CSF3R: variants seen among roughly 807,000 people sequenced by gnomAD.
CSF3R encodes the protein granulocyte colony-stimulating factor receptor.
CSF3R carries 52 observed loss-of-function variants against 84.4 expected under a neutral mutation model. The ratio of observed to expected loss-of-function variants is 0.62; its 90% CI spans 0.49 to 0.78. The LOEUF is 0.78. Among genes scored for constraint, CSF3R ranks in the 30% least tolerant of loss-of-function variants. CSF3R has a pLI of 0.00. For synonymous variants in CSF3R, 384 were observed against 429.1 expected, an observed-to-expected ratio of 0.89 and a Z score of 1.30; for missense variants, 890 against 1,055.7, an observed-to-expected ratio of 0.84 and a Z score of 2.17.
intron 3 of CSF3R, 46 bp downstream of exon 3, chr1:36,479,387 T>C: frequency 6.3e-7 from 1 of 1,577,460 alleles, no homozygotes; most frequent in Non-Finnish European, 8.7e-7. Context: ...TATCTCTCCT[T>C]GTAGCTTCCC....
At chr1:36,468,268 A>C in intron 12 of CSF3R, 47 bp from the exon 13 acceptor site, 1 of 1,524,104 alleles carries the variant, frequency 6.6e-7, no homozygotes, top group South Asian at 1.3e-5. Flanking sequence ...GGGGCAGAGC[A>C]AGAGCCCGGT....
chr1:36,466,582 T>G lies in CSF3R; in HGVS notation c.2286A>C (p.Pro762=). 1 of 1,611,964 alleles carries G rather than the reference T, an allele frequency of 6.2e-7. No individual in the cohort carries two copies. The highest frequency in any genetic ancestry group is 8.5e-7 in the Non-Finnish European group (1 of 1,178,554). ...CACAGCGGAGATAGTGCCCTGGCCC[T>G]GGGCTTGTGGGGCTGCCCAGCAGCT... ...YGQLLGSPTS[P]GPGHYLRCDS... is the part of the protein sequence containing the mutation. Residue 762 remains proline, a synonymous_variant, in exon 17 of 17, where the codon CCA becomes CCC. Transcript: ENST00000373106. The surrounding 1 kb of genome is among the most constrained non-coding windows in gnomAD (Gnocchi z 4.6).
In CSF3R at chr1:36,472,200, T is replaced by A. The variant is rs767796210; in HGVS notation, c.997+38A>T. 17 of 1,614,066 alleles carry A rather than the reference T, an allele frequency of 1.1e-5. No individual in the cohort carries two copies. The highest frequency in any genetic ancestry group is 1.3e-5 in the African/African-American group (1 of 75,004). On this transcript the variant is annotated intron_variant, in intron 8 of 16. Coordinates refer to ENST00000373106, the MANE Select transcript of CSF3R (RefSeq NM_000760.4). The surrounding 1 kb of genome is among the most constrained non-coding windows in gnomAD (Gnocchi z 5.0). ...GGAGGGGCCTGGGGCCTGGACTGGA[T>A]ACTGTTGGCTGCTCCCAGCCTCTCA... is the stretch of plus-strand genomic sequence containing the variant.
chr1:36,471,399 C>A, intron 10 of CSF3R, 34 bp downstream of exon 10: 2 of 1,594,204 alleles, frequency 1.3e-6, no homozygotes, highest in African/African-American at 1.3e-5. Context: ...ATGCGCTTGA[C>A]CTCTGTGCTC....
In CSF3R at chr1:36,473,549, A is replaced by G; in HGVS notation, c.559T>C (p.Cys187Arg). The G allele has an allele frequency of 6.2e-7, 1 of 1,614,218 alleles. No individual in the cohort carries two copies. The highest frequency in any genetic ancestry group is 8.5e-7 in the Non-Finnish European group (1 of 1,180,056). Residue 187 changes from cysteine to arginine, a missense_variant, in exon 6 of 17, where the codon TGC (cysteine) becomes CGC (arginine). Coordinates refer to ENST00000373106, the MANE Select transcript of CSF3R (RefSeq NM_000760.4). ...CVPKDGQSHC[C>R]IPRKHLLLYQ... is the part of the protein sequence containing the mutation. The stretch of plus-strand genomic sequence containing the variant: ...AACAGCAGGTGTTTGCGTGGGATGC[A>G]GCAGTGGCTCTGCCCGTCCTTGGGC...
In CSF3R at chr1:36,466,915, G is replaced by A. The variant is rs1234628970; in HGVS notation, c.2041-88C>T. ...CCTGTCTGGGTCCGGGCAGCTGTGG[G>A]GACATTCAACTGTTGTTACTGGTGG... On this transcript the variant is annotated intron_variant, in intron 16 of 16. Transcript: ENST00000373106. This position sits in a 1 kb window ranked among gnomAD's most constrained non-coding sequence, Gnocchi z 4.6. 1 of 1,613,592 alleles carries A rather than the reference G, an allele frequency of 6.2e-7. No homozygotes were observed. The highest frequency in any genetic ancestry group is 2.2e-5 in the East Asian group (1 of 44,888).
intron 2 of CSF3R, chr1:36,479,861 C>T: frequency 5.5e-6 from 2 of 364,956 alleles, no homozygotes; most frequent in South Asian, 4.5e-5. Context: ...AGAGCAGAAC[C>T]TGAGATGAGG....
chr1:36,479,557 T>G (rs910856646), intron 2 of CSF3R, 41 bp from the exon 3 acceptor site: 1 of 1,439,774 alleles, frequency 6.9e-7, no homozygotes, highest in East Asian at 2.3e-5. Context: ...GGCTTTGGAG[T>G]CAGAGCTGAT....
Position 36,472,722 on chromosome 1 carries a change from C to T in CSF3R, c.674-36G>A. 1 of 1,539,712 alleles carries T rather than the reference C, an allele frequency of 6.5e-7. No homozygotes were observed. The highest frequency in any genetic ancestry group is 1.2e-5 in the South Asian group (1 of 81,832). On this transcript the variant is annotated intron_variant, in intron 6 of 16. Coordinates refer to ENST00000373106, the MANE Select transcript of CSF3R (RefSeq NM_000760.4). The surrounding 1 kb of genome is among the most constrained non-coding windows in gnomAD (Gnocchi z 5.0). ...TGGGGCTGTCAGAAGGTCTCCCTAT[C>T]CCACCCTAGAGGGCTCTGCCTTAGC...
At chr1:36,469,068 T>C (rs1650531433) in intron 12 of CSF3R, 88 bp downstream of exon 12, 3 of 949,844 alleles carry the variant, frequency 3.2e-6, no homozygotes. Context: ...GAAGGCAATG[T>C]TCCCTATACT....
chr1:36,471,312 G>T (rs778590726), intron 10 of CSF3R, 121 bp downstream of exon 10: 24 of 1,000,826 alleles, frequency 2.4e-5, no homozygotes, highest in Non-Finnish European at 3.8e-5. Flanking sequence ...CTCCCAAAGT[G>T]CTGGGATTAC....
In CSF3R at chr1:36,473,377, C is replaced by T; in HGVS notation, c.673+58G>A. The T allele has an allele frequency of 2.3e-5, 36 of 1,589,340 alleles. 1 individual carries two copies. In the South Asian group the frequency reaches 3.8e-4, roughly 17 times the overall value. ...TGTCGCTAGTTCTGTGTTTCCCTCT[C>T]CATTCCTCTCAGTGTCTGCCCATTT... On this transcript the variant is annotated intron_variant, in intron 6 of 16. Coordinates refer to ENST00000373106, the MANE Select transcript of CSF3R (RefSeq NM_000760.4).
intron 3 of CSF3R, among the ~76,000 whole-genome samples, chr1:36,477,894 G>T (rs1428919953): frequency 6.6e-6 from 1 of 152,010 alleles, no homozygotes. Context: ...GAGTAGCTAG[G>T]ACTACAGGCA....
intron 10 of CSF3R, among the ~76,000 whole-genome samples, chr1:36,470,461 A>C (rs921412589): frequency 6.6e-6 from 1 of 152,234 alleles, no homozygotes; most frequent in African/African-American, 2.4e-5. Flanking sequence ...CTGGGATTAC[A>C]GGCGTGAGCC....
At chr1:36,468,510 C>T (rs555944580) in intron 12 of CSF3R, 32 of 310,332 alleles carry the variant, frequency 1.0e-4, no homozygotes, top group Admixed American at 4.6e-4. Flanking sequence ...ACTCACTCTC[C>T]GAATTTATGC....
rs200681728 is a variant in CSF3R at position 36,475,365 on chromosome 1, G to A, written c.361+12C>T. On this transcript the variant is annotated intron_variant, in intron 4 of 16. Coordinates refer to ENST00000373106, the MANE Select transcript of CSF3R (RefSeq NM_000760.4). ...TTGGAGGCAGAGTAGTTGGATGGCT[G>A]GAAGGACTTACAGCCTGCGCGCAGC... The A allele has an allele frequency of 1.5e-5, 24 of 1,613,396 alleles. No individual in the cohort carries two copies. In the East Asian group the frequency reaches 4.7e-4, roughly 31 times the overall value.
Position 36,478,037 on chromosome 1 carries a change from C to T in CSF3R, c.64+1396G>A, listed in dbSNP as rs60626405. On this transcript the variant is annotated intron_variant, in intron 3 of 16. Transcript: ENST00000373106. ...CCTCCCAAAGTGCTGGGATTACAGG[C>T]GTGAGCCACCGCGCCCGGCCCAGAC... Among the ~76,000 whole-genome samples the T allele has an allele frequency of 0.013, 1,917 of 151,338 alleles. 162 individuals are homozygous for T. In the East Asian group the frequency reaches 0.24, roughly 19 times the overall value.
At chr1:36,474,390 CTTTTTTT>C (rs911099378) in intron 4 of CSF3R, among the ~76,000 whole-genome samples, 21 of 86,262 alleles carry the variant, frequency 2.4e-4, no homozygotes, top group Non-Finnish European at 1.5e-4. Flanking sequence ...ATTACTGGTG[CTTTTTTT>C]TTTTTTTTTT....
chr1:36,467,619 A>T lies in CSF3R; in HGVS notation c.1897T>A (p.Phe633Ile). ...CAGGTGAGCAACAGCAGGAGGCCGAACAGGCCCAGGATGATGTGTAGCTCC... is the reference window on the plus strand; with the variant it reads ...CAGGTGAGCAACAGCAGGAGGCCGATCAGGCCCAGGATGATGTGTAGCTCC... ...GSELHIILGL[F>I]GLLLLLTCLC... The change falls in exon 15 of 17, where the codon TTC becomes ATC. Residue 633 changes from phenylalanine (F) to isoleucine (I), a missense_variant. Physicochemically the swap from Phe to Ile is conservative, Grantham distance 21. Transcript: ENST00000373106. This position sits in a 1 kb window ranked among gnomAD's most constrained non-coding sequence, Gnocchi z 4.1. 6.2e-7 allele frequency: 1 copy of T among 1,614,202 alleles called. No homozygotes were observed. Among genetic ancestry groups the T allele is most frequent in the Non-Finnish European group, 8.5e-7 (1 of 1,180,036 alleles).
Sources: allele counts gnomAD v4.1 joint callset (sites outside exome capture counted in the v4.1 genomes callset), GRCh38; gene constraint gnomAD v4.1.1; non-coding constraint Gnocchi (gnomAD v3.1); transcripts MANE v1.5; gene names NCBI Gene and HGNC (gene_info 2026-07-23, HGNC 2026-07-21).